The following SLC36A4 variants were observed in gnomAD, a reference collection of about 807,000 sequenced individuals.
The protein encoded by SLC36A4 is neutral amino acid uniporter 4.
In SLC36A4, 49 loss-of-function variants were observed where a neutral mutation model predicts 50.5. That is an observed-to-expected ratio of 0.97 (90% CI 0.77 to 1.23). The LOEUF (loss-of-function observed/expected upper bound fraction) is 1.23, where lower values mean the gene tolerates loss of function less well. Among genes scored for constraint, SLC36A4 ranks in the 50% most tolerant of loss-of-function variants. The probability of loss-of-function intolerance (pLI) is 0.00; values close to 1 mark genes in which losing one functional copy is unlikely to be tolerated. For missense variants in SLC36A4, 611 were observed against 608.4 expected, an observed-to-expected ratio of 1.00 and a Z score of -0.05; for synonymous variants, 207 against 206.5, an observed-to-expected ratio of 1.00 and a Z score of -0.02.
At chr11:93,195,340 C>T (rs1439738740) in intron 1 of SLC36A4, among the ~76,000 whole-genome samples, 1 of 151,928 alleles carries the variant, frequency 6.6e-6, no homozygotes. Context: ...TACTCAGGTC[C>T]CTGGAGTCTT....
At chr11:93,181,990 A>G (rs1249517915) in intron 4 of SLC36A4, among the ~76,000 whole-genome samples, 1 of 152,138 alleles carries the variant, frequency 6.6e-6, no homozygotes, top group Non-Finnish European at 1.5e-5. Context: ...TGTCCTTTTT[A>G]CCAGTACATT....
At chr11:93,179,133 C>G (rs1861624411) in intron 6 of SLC36A4, among the ~76,000 whole-genome samples, 1 of 152,160 alleles carries the variant, frequency 6.6e-6, no homozygotes, top group Admixed American at 6.5e-5. Flanking sequence ...GGATTAAACC[C>G]TTTCAGTCCA....
At chr11:93,171,176 T>C (rs573809523) in intron 6 of SLC36A4, 1 of 152,062 alleles carries the variant, frequency 6.6e-6, no homozygotes, top group Non-Finnish European at 1.5e-5. Context: ...TACCTTTCTA[T>C]CTACAGCAGG....
rs371187395 is a variant in SLC36A4 at position 93,166,026 on chromosome 11, G to C, written c.769-10C>G. On this transcript the variant is annotated splice_polypyrimidine_tract_variant and intron_variant, in intron 7 of 10. Transcript: ENST00000326402. ...GGGGATCTGGCATGTTCTAAAGAAA[G>C]GAAGAAAAAAAGAAGACCAGTTACA... 16 of 1,573,518 alleles carry C rather than the reference G, an allele frequency of 1.0e-5. No homozygotes were observed. The highest frequency in any genetic ancestry group is 1.4e-5 in the Non-Finnish European group (16 of 1,159,372).
intron 6 of SLC36A4, among the ~76,000 whole-genome samples, chr11:93,178,999 A>C (rs1404219079): frequency 1.3e-5 from 2 of 152,224 alleles, no homozygotes; most frequent in African/African-American, 4.8e-5. Context: ...TGAGAAACCA[A>C]GCTAAAACAA....
chr11:93,193,593 C>G (rs992261441), intron 1 of SLC36A4, among the ~76,000 whole-genome samples: 2 of 152,074 alleles, frequency 1.3e-5, no homozygotes, highest in African/African-American at 4.8e-5. Flanking sequence ...CACCATATAT[C>G]TGATGTTAGG....
Position 93,184,559 on chromosome 11 carries a change from C to T in SLC36A4, c.180-39G>A, listed in dbSNP as rs141811514. On this transcript the variant is annotated intron_variant, in intron 2 of 10. Coordinates refer to ENST00000326402, the MANE Select transcript of SLC36A4 (RefSeq NM_152313.4). Reference sequence around the variant, plus strand: ...GTTGTAAGACTTAAATATTTTAGAACAAAATCTATTATAACATGATCATGG... The same window carrying T: ...GTTGTAAGACTTAAATATTTTAGAATAAAATCTATTATAACATGATCATGG... 2,413 of 1,189,580 alleles carry T rather than the reference C, an allele frequency of 2.0e-3. 7 individuals are homozygous for T. Among genetic ancestry groups the T allele is most frequent in the Admixed American group, 3.1e-3 (173 of 55,694 alleles). The allele number at this position is 1,189,580 out of a possible 1,614,324, so 73.7% of individuals were successfully genotyped here. A position where few individuals can be genotyped will look rare whatever the true frequency, so the allele number is the denominator to read the frequency against.
chr11:93,163,695 C>T (rs1860731985), intron 8 of SLC36A4, among the ~76,000 whole-genome samples: 1 of 152,138 alleles, frequency 6.6e-6, no homozygotes. Flanking sequence ...AAAGCCAAGT[C>T]CCTAAATCCA....
chr11:93,159,673 C>T, intron 9 of SLC36A4: 1 of 341,768 alleles, frequency 2.9e-6, no homozygotes, highest in Non-Finnish European at 4.1e-6. Flanking sequence ...ACTAGTAAAA[C>T]CTTTAAAATA....
At chr11:93,181,017 C>G (rs571089558) in intron 5 of SLC36A4, 136 bp from the exon 6 acceptor site, 10 of 632,388 alleles carry the variant, frequency 1.6e-5, no homozygotes, top group Middle Eastern at 4.3e-4. Context: ...GAACTCAGAG[C>G]AGTTCATGCC....
chr11:93,165,001 G>C (rs1206831993), intron 8 of SLC36A4, among the ~76,000 whole-genome samples: 1 of 152,138 alleles, frequency 6.6e-6, no homozygotes, highest in African/African-American at 2.4e-5. Context: ...GTTAACTAGT[G>C]CTCATGAGTT....
intron 7 of SLC36A4, chr11:93,166,441 C>T (rs1860871047): frequency 1.0e-6 from 1 of 986,798 alleles, no homozygotes; most frequent in Non-Finnish European, 1.2e-6. Flanking sequence ...TCTTTCAGTT[C>T]TCTAAGATAC....
intron 10 of SLC36A4, among the ~76,000 whole-genome samples, chr11:93,150,548 C>T (rs78351097): frequency 0.015 from 2,324 of 151,968 alleles, 34 homozygotes; most frequent in African/African-American, 0.038. Flanking sequence ...AAATTATAAA[C>T]GTAGCTTTAC....
Position 93,148,982 on chromosome 11 carries a change from G to GA in SLC36A4, c.1208-139dup, listed in dbSNP as rs369908225. On this transcript the variant is annotated intron_variant, in intron 10 of 10. Transcript: ENST00000326402. ...GTTGAACTACTAAACTATTGCTTGTGAAAAAAATCTGCCATATTTTGTTCT... is the reference window on the plus strand; with the variant it reads ...GTTGAACTACTAAACTATTGCTTGTGAAAAAAAATCTGCCATATTTTGTTCT... 6.5e-4 allele frequency: 630 copies of GA among 962,220 alleles called. 5 individuals carry two copies. The African/African-American group carries it at 9.5e-3, about 15-fold the overall frequency. The allele number at this position is 962,220 out of a possible 1,614,324, so 59.6% of individuals were successfully genotyped here.
chr11:93,178,769 C>A (rs1354755266), intron 6 of SLC36A4, among the ~76,000 whole-genome samples: 1 of 152,112 alleles, frequency 6.6e-6, no homozygotes, highest in Admixed American at 6.5e-5. Flanking sequence ...TAAAGCATTC[C>A]CTCTGAGAAC....
rs530193880 is a variant in SLC36A4 at position 93,192,454 on chromosome 11, A to C, written c.55+5324T>G. 2.2e-4 allele frequency among the ~76,000 whole-genome samples: 33 copies of C among 152,316 alleles called. No homozygotes were observed. In the South Asian group the frequency reaches 4.1e-3, roughly 19 times the overall value. On this transcript the variant is annotated intron_variant, in intron 1 of 10. Coordinates refer to ENST00000326402, the MANE Select transcript of SLC36A4 (RefSeq NM_152313.4). ...TGCACATAGCCTTGTAGACCATTCTACGTGACATGAAAAGCCACTAGAGCA... is the reference window on the plus strand; with the variant it reads ...TGCACATAGCCTTGTAGACCATTCTCCGTGACATGAAAAGCCACTAGAGCA...
intron 9 of SLC36A4, among the ~76,000 whole-genome samples, chr11:93,156,175 C>CTAA (rs1263467499): frequency 6.6e-6 from 1 of 152,196 alleles, no homozygotes; most frequent in Non-Finnish European, 1.5e-5. Context: ...ATGTCTTGAA[C>CTAA]TAACTTATAC....
chr11:93,180,784 G>A lies in SLC36A4; in HGVS notation c.540+13C>T, dbSNP rs1403548623. The A allele has an allele frequency of 6.3e-7, 1 of 1,588,658 alleles. No homozygotes were observed. Among genetic ancestry groups the A allele is most frequent in the South Asian group, 1.1e-5 (1 of 90,010 alleles). On this transcript the variant is annotated intron_variant, in intron 6 of 10. Transcript: ENST00000326402. Reference sequence around the variant, plus strand: ...GAAGAAAATGATTTCACTAACTGGAGAAAAATACTCACTTGTTTCACATTT... The same window carrying A: ...GAAGAAAATGATTTCACTAACTGGAAAAAAATACTCACTTGTTTCACATTT...
chr11:93,149,012 TAGAG>T (rs1300531091), intron 10 of SLC36A4, among the ~76,000 whole-genome samples, 168 bp from the exon 11 acceptor site: 2 of 152,064 alleles, frequency 1.3e-5, no homozygotes, highest in East Asian at 1.9e-4. Context: ...TGTTCTAAGC[TAGAG>T]AGAGACAGAA....
Sources: allele counts gnomAD v4.1 joint callset (sites outside exome capture counted in the v4.1 genomes callset), GRCh38; gene constraint gnomAD v4.1.1; transcripts MANE v1.5; gene names NCBI Gene and HGNC (gene_info 2026-07-23, HGNC 2026-07-21).